The following TBC1D5 variants were observed in gnomAD, a reference collection of about 807,000 sequenced individuals.
TBC1D5 encodes TBC1 domain family member 5.
Under a neutral mutation model 100.3 loss-of-function variants are expected in TBC1D5, and 75 were observed. That is an observed-to-expected ratio of 0.75 (90% confidence interval 0.62 to 0.91). The LOEUF (loss-of-function observed/expected upper bound fraction) is 0.91, where lower values mean the gene tolerates loss of function less well. Ranked by LOEUF, TBC1D5 falls within the 40% of genes least tolerant of loss-of-function variation. The pLI is 0.00. For synonymous variants in TBC1D5, 323 were observed against 325.6 expected (o/e 0.99, Z 0.09); for missense variants, 910 against 942.4 (o/e 0.97, Z 0.45).
chr3:17,514,511 C>T (rs959458318), intron 2 of TBC1D5, among the ~76,000 whole-genome samples: 1 of 152,070 alleles, frequency 6.6e-6, no homozygotes, highest in Non-Finnish European at 1.5e-5. Flanking sequence ...CAGACTGAAT[C>T]CTTATAATTT....
intron 17 of TBC1D5, among the ~76,000 whole-genome samples, chr3:17,221,845 G>A (rs1016042332): frequency 5.3e-5 from 8 of 152,118 alleles, no homozygotes. Context: ...AATTTGTATT[G>A]TTTACATCAC....
intron 1 of TBC1D5, among the ~76,000 whole-genome samples, chr3:17,649,930 T>C (rs2065377872): frequency 6.6e-6 from 1 of 152,214 alleles, no homozygotes; most frequent in Non-Finnish European, 1.5e-5. Context: ...AAAGAAAATG[T>C]GGCCCATATA....
intron 3 of TBC1D5, among the ~76,000 whole-genome samples, chr3:17,486,771 T>C (rs1311730225): frequency 6.6e-6 from 1 of 152,162 alleles, no homozygotes; most frequent in Non-Finnish European, 1.5e-5. Context: ...AGCAGTAAAG[T>C]GGCAGCTTAT....
intron 15 of TBC1D5, among the ~76,000 whole-genome samples, chr3:17,270,684 C>T (rs1331706696): frequency 6.6e-6 from 1 of 152,112 alleles, no homozygotes; most frequent in Non-Finnish European, 1.5e-5. Flanking sequence ...CATAAATTAT[C>T]TGCCAAGGCT....
At chr3:17,612,538 G>T (rs769222548) in intron 2 of TBC1D5, among the ~76,000 whole-genome samples, 1 of 151,978 alleles carries the variant, frequency 6.6e-6, no homozygotes, top group East Asian at 1.9e-4. Flanking sequence ...GCTGAGGCAG[G>T]AGAATACCTT....
At chr3:17,301,284 T>C (rs2082803894) in intron 14 of TBC1D5, among the ~76,000 whole-genome samples, 1 of 152,108 alleles carries the variant, frequency 6.6e-6, no homozygotes, top group Non-Finnish European at 1.5e-5. Flanking sequence ...CAAAATAAAA[T>C]GAACAAAAAA....
chr3:17,394,896 A>G (rs2093457136), intron 8 of TBC1D5, among the ~76,000 whole-genome samples: 1 of 152,098 alleles, frequency 6.6e-6, no homozygotes, highest in Non-Finnish European at 1.5e-5. Flanking sequence ...AGAATGACAT[A>G]TAGCTTTCAT....
At chr3:17,165,241 A>G (rs1383125256) in intron 21 of TBC1D5, among the ~76,000 whole-genome samples, 1 of 152,256 alleles carries the variant, frequency 6.6e-6, no homozygotes, top group Non-Finnish European at 1.5e-5. Flanking sequence ...AGGGATGACA[A>G]CTGCAAAGTA....
intron 2 of TBC1D5, among the ~76,000 whole-genome samples, chr3:17,593,039 C>T (rs1382802829): frequency 2.6e-5 from 4 of 152,042 alleles, no homozygotes; most frequent in African/African-American, 7.2e-5. Flanking sequence ...TACACATGAT[C>T]GGACTCAAGC....
intron 1 of TBC1D5, chr3:17,664,851 A>G (rs1434084624): frequency 6.6e-6 from 1 of 152,142 alleles, no homozygotes; most frequent in East Asian, 1.9e-4. Context: ...AGTTCACAAC[A>G]CTAAGACAAG....
At chr3:17,559,440 G>A (rs953844669) in intron 2 of TBC1D5, among the ~76,000 whole-genome samples, 1 of 151,898 alleles carries the variant, frequency 6.6e-6, no homozygotes, top group Non-Finnish European at 1.5e-5. Context: ...CACTAAGCCC[G>A]GCCTAAAACA....
At chr3:17,619,062 TAATAGTA>T (rs2062430348) in intron 2 of TBC1D5, among the ~76,000 whole-genome samples, 1 of 152,196 alleles carries the variant, frequency 6.6e-6, no homozygotes, top group South Asian at 2.1e-4. Context: ...AGCCCCTTTT[TAATAGTA>T]ATTTTAAAAA....
chr3:17,470,574 T>C (rs1025166552), intron 3 of TBC1D5, among the ~76,000 whole-genome samples: 8 of 152,298 alleles, frequency 5.3e-5, no homozygotes, highest in African/African-American at 1.9e-4. Context: ...GTAAAATGTA[T>C]GTATTAATGG....
At chr3:17,330,824 C>T (rs887661045) in intron 13 of TBC1D5, among the ~76,000 whole-genome samples, 1 of 152,148 alleles carries the variant, frequency 6.6e-6, no homozygotes, top group Non-Finnish European at 1.5e-5. Context: ...TCATTTTATC[C>T]TCCAAATCTG....
chr3:17,526,975 T>C (rs1197032942), intron 2 of TBC1D5, among the ~76,000 whole-genome samples: 1 of 152,192 alleles, frequency 6.6e-6, no homozygotes, highest in African/African-American at 2.4e-5. Context: ...ACAAATATAA[T>C]ATACATTCAA....
rs79036362 is a variant in TBC1D5, at chr3:17,572,752, G to T, written c.-36+51097C>A. Among the ~76,000 whole-genome samples the T allele has an allele frequency of 7.2e-5, 11 of 152,110 alleles. No homozygotes were observed. The East Asian group carries it at 1.9e-3, about 27-fold the overall frequency. ...TGACCCCTCTATTTATCACACTGTC[G>T]TGTTGTTGTCTCCAGCTCTGCATTC... On this transcript the variant is annotated intron_variant, in intron 2 of 21. Transcript: ENST00000253692.
At chr3:17,620,226 C>A (rs2062539397) in intron 2 of TBC1D5, among the ~76,000 whole-genome samples, 1 of 152,178 alleles carries the variant, frequency 6.6e-6, no homozygotes, top group Non-Finnish European at 1.5e-5. Context: ...CTCCTGGGCT[C>A]AGGGGATCCT....
chr3:17,382,719 C>T (rs1337900012), intron 9 of TBC1D5, among the ~76,000 whole-genome samples: 2 of 151,926 alleles, frequency 1.3e-5, no homozygotes. Context: ...CACCACCATG[C>T]CCAGCTAATT....
chr3:17,269,280 G>C (rs528726247), intron 15 of TBC1D5, among the ~76,000 whole-genome samples: 1 of 152,022 alleles, frequency 6.6e-6, no homozygotes, highest in Non-Finnish European at 1.5e-5. Flanking sequence ...GAATGCTCAC[G>C]AACAGTGAAG....
Sources: allele counts gnomAD v4.1 joint callset (sites outside exome capture counted in the v4.1 genomes callset), GRCh38; gene constraint gnomAD v4.1.1; transcripts MANE v1.5; gene names NCBI Gene and HGNC (gene_info 2026-07-23, HGNC 2026-07-21).